Variants in CELF2 observed in about 807,000 individuals in gnomAD.
CELF2 encodes the protein CUGBP Elav-like family member 2, also known as CUG triplet repeat RNA-binding protein 2.
Under a neutral mutation model 62.6 loss-of-function variants are expected in CELF2, and 8 were observed. That is an observed-to-expected ratio of 0.13 (90% CI 0.07 to 0.23). The LOEUF (loss-of-function observed/expected upper bound fraction) is 0.23. Among genes scored for constraint, CELF2 ranks in the 10% least tolerant of loss-of-function variants. The probability of loss-of-function intolerance (pLI) is 1.00; values close to 1 mark genes in which losing one functional copy is unlikely to be tolerated. For missense variants in CELF2, 333 were observed against 671.0 expected (o/e 0.50, Z 5.56); for synonymous variants, 258 against 250.0 (o/e 1.03, Z -0.30).
chr10:10,553,566 G>A, the CELF2 span, among the ~76,000 whole-genome samples: 28 of 152,252 alleles, frequency 1.8e-4, no homozygotes, highest in African/African-American at 6.3e-4. Flanking sequence ...ACAAAGAGAC[G>A]AAGGGAGACA....
At chr10:10,534,483 G>A in the CELF2 span, among the ~76,000 whole-genome samples, 1 of 152,156 alleles carries the variant, frequency 6.6e-6, no homozygotes, top group Non-Finnish European at 1.5e-5. Context: ...ACACAGAGTT[G>A]GGTTAACCTT....
the CELF2 span, among the ~76,000 whole-genome samples, chr10:10,670,085 T>C: frequency 6.6e-6 from 1 of 152,102 alleles, no homozygotes; most frequent in Non-Finnish European, 1.5e-5. Flanking sequence ...GTATTTTTAG[T>C]AGAGACGGGT....
At chr10:11,188,038 CCTTTCACCTTTTGTGTGT>C (rs1301238694) in intron 2 of CELF2, among the ~76,000 whole-genome samples, 1 of 152,108 alleles carries the variant, frequency 6.6e-6, no homozygotes, top group Non-Finnish European at 1.5e-5. Context: ...GGTGGTAAAT[CCTTTCACCTTTTGTGTGT>C]CTTTCACCTT....
chr10:10,744,907 T>A, the CELF2 span, among the ~76,000 whole-genome samples: 1 of 152,096 alleles, frequency 6.6e-6, no homozygotes, highest in Non-Finnish European at 1.5e-5. Context: ...CTCTCCATTT[T>A]ACCAATCTTT....
At chr10:10,551,950 CT>C in the CELF2 span, among the ~76,000 whole-genome samples, 1 of 151,720 alleles carries the variant, frequency 6.6e-6, no homozygotes, top group Non-Finnish European at 1.5e-5. Flanking sequence ...TTTCAGGGTG[CT>C]TTTTTTTCTA....
At chr10:10,999,699 C>T (rs1054505513) in intron 2 of CELF2, among the ~76,000 whole-genome samples, 3 of 152,214 alleles carry the variant, frequency 2.0e-5, no homozygotes, top group Admixed American at 6.5e-5. Context: ...ATTTCCGTCA[C>T]GTGATCATAT....
the CELF2 span, among the ~76,000 whole-genome samples, chr10:10,486,373 G>C: frequency 6.6e-6 from 1 of 152,184 alleles, no homozygotes; most frequent in African/African-American, 2.4e-5. Flanking sequence ...TTGTGATCTA[G>C]AGAGAGCAAC....
intron 1 of CELF2, among the ~76,000 whole-genome samples, chr10:11,059,785 G>A (rs1003784226): frequency 6.6e-6 from 1 of 152,174 alleles, no homozygotes; most frequent in African/African-American, 2.4e-5. Flanking sequence ...AACTTAGCTG[G>A]TGAAGGACTC....
At chr10:11,125,882 T>A (rs911067868) in intron 1 of CELF2, among the ~76,000 whole-genome samples, 1 of 138,834 alleles carries the variant, frequency 7.2e-6, no homozygotes, top group East Asian at 4.5e-4. Context: ...ACTCTAAATT[T>A]TGTGTTATTA....
At chr10:11,062,474 A>G (rs561840786) in intron 1 of CELF2, among the ~76,000 whole-genome samples, 5 of 152,348 alleles carry the variant, frequency 3.3e-5, no homozygotes, top group Admixed American at 6.5e-5. Context: ...CATAGTATCA[A>G]TATTAACAGG....
chr10:10,646,457 C>T, the CELF2 span, among the ~76,000 whole-genome samples: 1 of 152,180 alleles, frequency 6.6e-6, no homozygotes, highest in Non-Finnish European at 1.5e-5. Context: ...TTTTGCACGT[C>T]GTTTCTCAGC....
chr10:11,312,913 G>T (rs143470264), intron 9 of CELF2, among the ~76,000 whole-genome samples: 1 of 152,178 alleles, frequency 6.6e-6, no homozygotes, highest in African/African-American at 2.4e-5. Context: ...CAGTCTGGGC[G>T]ACAGAGCGAG....
intron 2 of CELF2, among the ~76,000 whole-genome samples, chr10:10,959,277 T>C (rs2049228971): frequency 6.6e-6 from 1 of 152,126 alleles, no homozygotes; most frequent in Admixed American, 6.5e-5. Context: ...TGAGACTCCA[T>C]CTCAGAGAAA....
At chr10:11,027,689 C>T (rs1379118305) in intron 1 of CELF2, among the ~76,000 whole-genome samples, 2 of 152,182 alleles carry the variant, frequency 1.3e-5, no homozygotes, top group African/African-American at 2.4e-5. Flanking sequence ...GCTTCAGGGC[C>T]TCTCCCAGCA....
intron 4 of CELF2, among the ~76,000 whole-genome samples, chr10:11,252,549 C>G (rs1281464542): frequency 6.6e-6 from 1 of 152,206 alleles, no homozygotes; most frequent in Non-Finnish European, 1.5e-5. Context: ...TCGAGCGATT[C>G]TGAGAGAGGG....
At chr10:10,553,724 A>G in the CELF2 span, among the ~76,000 whole-genome samples, 1 of 152,130 alleles carries the variant, frequency 6.6e-6, no homozygotes, top group Non-Finnish European at 1.5e-5. Flanking sequence ...GTCATCTGTG[A>G]AAGAGGATTT....
chr10:11,155,520 G>T (rs1336542616), intron 1 of CELF2, among the ~76,000 whole-genome samples: 4 of 152,168 alleles, frequency 2.6e-5, no homozygotes, highest in Admixed American at 2.0e-4. Context: ...GACCTCAAAG[G>T]GCATGAGCAT....
intron 2 of CELF2, among the ~76,000 whole-genome samples, chr10:10,937,004 C>A (rs1403661530): frequency 1.3e-5 from 2 of 152,088 alleles, no homozygotes; most frequent in Non-Finnish European, 2.9e-5. Flanking sequence ...CCAAGTCTCT[C>A]ATCCGGAGCT....
At chr10:10,842,064 G>GT (rs2058720301) in intron 1 of CELF2, among the ~76,000 whole-genome samples, 1 of 151,898 alleles carries the variant, frequency 6.6e-6, no homozygotes, top group South Asian at 2.1e-4. Flanking sequence ...ATTGTAAATG[G>GT]TATTTTTCAT....
Sources: allele counts gnomAD v4.1 joint callset (sites outside exome capture counted in the v4.1 genomes callset), GRCh38; gene constraint gnomAD v4.1.1; transcripts MANE v1.5; gene names NCBI Gene and HGNC (gene_info 2026-07-23, HGNC 2026-07-21).